TBCE: variants seen among roughly 807,000 people sequenced by gnomAD.
The protein encoded by TBCE is tubulin folding cofactor E, also known as tubulin-specific chaperone E.
TBCE carries 53 observed loss-of-function variants against 77.0 expected under a neutral mutation model. That is an observed-to-expected ratio of 0.69 (90% confidence interval 0.55 to 0.87). The LOEUF is 0.87. TBCE is among the 40% of genes least tolerant of loss of function. The pLI, the probability that TBCE is intolerant of heterozygous loss-of-function variation, is 0.00. For synonymous variants in TBCE, 235 were observed against 241.3 expected, an observed-to-expected ratio of 0.97 and a Z score of 0.24; for missense variants, 624 against 622.4, an observed-to-expected ratio of 1.00 and a Z score of -0.03.
At chr1:235,443,540 G>C (rs761057073) in intron 15 of TBCE, among the ~76,000 whole-genome samples, 1 of 152,164 alleles carries the variant, frequency 6.6e-6, no homozygotes, top group Non-Finnish European at 1.5e-5. Flanking sequence ...CTGAGACCTT[G>C]AATGGCATAG....
chr1:235,381,622 T>C (rs887733403), intron 2 of TBCE, among the ~76,000 whole-genome samples: 1 of 132,818 alleles, frequency 7.5e-6, no homozygotes, highest in Non-Finnish European at 1.5e-5. Context: ...GAGGTGGAGG[T>C]TGCAGTGAGC....
At chr1:235,436,679 C>G (rs1681470380) in intron 11 of TBCE, 71 bp downstream of exon 11, 1 of 1,424,152 alleles carries the variant, frequency 7.0e-7, no homozygotes, top group Non-Finnish European at 9.9e-7. Flanking sequence ...TTTGGAGGTT[C>G]CTTCTACCAA....
At chr1:235,429,518 C>T (rs1279195856) in intron 6 of TBCE, 1 of 152,102 alleles carries the variant, frequency 6.6e-6, no homozygotes, top group African/African-American at 2.4e-5. Flanking sequence ...ATTATTAAAA[C>T]TGCTTGTTTA....
At chr1:235,434,072 T>C (rs189213725) in intron 7 of TBCE, 132 bp from the exon 8 acceptor site, 1 of 822,122 alleles carries the variant, frequency 1.2e-6, no homozygotes, top group East Asian at 2.4e-5. Context: ...TGAAACAGTC[T>C]TATGAACTGT....
At chr1:235,425,094 C>A (rs11579933) in intron 5 of TBCE, among the ~76,000 whole-genome samples, 19,650 of 152,064 alleles carry the variant, frequency 0.13, 1,615 homozygotes, top group African/African-American at 0.23. Flanking sequence ...GGCACTCCTC[C>A]ACGGCCTGCC....
chr1:235,446,836 C>T (rs576031347), intron 15 of TBCE, among the ~76,000 whole-genome samples: 2 of 151,914 alleles, frequency 1.3e-5, no homozygotes, highest in South Asian at 2.1e-4. Flanking sequence ...AGGCGTACAT[C>T]GCTATGCTTG....
intron 3 of TBCE, among the ~76,000 whole-genome samples, chr1:235,409,406 T>A (rs189683266): frequency 6.6e-6 from 1 of 152,188 alleles, no homozygotes; most frequent in Non-Finnish European, 1.5e-5. Flanking sequence ...TAATGTAGAA[T>A]CTCAGTGGAG....
chr1:235,409,946 C>T (rs1174720180), intron 3 of TBCE, among the ~76,000 whole-genome samples: 3 of 147,292 alleles, frequency 2.0e-5, no homozygotes, highest in East Asian at 4.0e-4. Context: ...AGGAGAATGG[C>T]GTGAACCCGG....
chr1:235,392,728 A>G (rs1035118910), intron 2 of TBCE, among the ~76,000 whole-genome samples: 2 of 152,044 alleles, frequency 1.3e-5, no homozygotes, highest in African/African-American at 4.8e-5. Context: ...GTTTTAAATC[A>G]GTAAATCCAG....
At chr1:235,375,851 T>G (rs1361843998) in intron 1 of TBCE, among the ~76,000 whole-genome samples, 1 of 151,992 alleles carries the variant, frequency 6.6e-6, no homozygotes, top group Non-Finnish European at 1.5e-5. Context: ...GAGACCAGCC[T>G]GACCAATAAG....
chr1:235,403,000 G>A (rs1055606104), intron 3 of TBCE, among the ~76,000 whole-genome samples: 3 of 152,024 alleles, frequency 2.0e-5, no homozygotes, highest in African/African-American at 4.8e-5. Context: ...GTCAGAATTA[G>A]GTAACCACAC....
chr1:235,448,502 ACTGTCTCTAGATAGC>A, intron 16 of TBCE, 62 bp downstream of exon 16: 1 of 1,523,468 alleles, frequency 6.6e-7, no homozygotes, highest in Non-Finnish European at 9.1e-7. Flanking sequence ...ATGACATTAA[ACTGTCTCTAGATAGC>A]AACAGTTTGA....
intron 6 of TBCE, chr1:235,429,052 G>A (rs916887767): frequency 2.0e-5 from 3 of 146,724 alleles, no homozygotes; most frequent in Non-Finnish European, 4.4e-5. Flanking sequence ...GCAATGGCGC[G>A]ATCTCGGCTC....
At chr1:235,439,460 T>C (rs1046955217) in intron 13 of TBCE, among the ~76,000 whole-genome samples, 12 of 151,414 alleles carry the variant, frequency 7.9e-5, no homozygotes, top group African/African-American at 2.7e-4. Flanking sequence ...CACACCACTG[T>C]ACTCCAGCCT....
intron 14 of TBCE, 61 bp from the exon 15 acceptor site, chr1:235,442,791 G>A (rs892456260): frequency 6.6e-7 from 1 of 1,525,200 alleles, no homozygotes; most frequent in African/African-American, 1.4e-5. Flanking sequence ...GATGTGTGTG[G>A]ATAATTTAAA....
chr1:235,424,420 G>C (rs535002053), intron 5 of TBCE, among the ~76,000 whole-genome samples: 1 of 66,168 alleles, frequency 1.5e-5, no homozygotes. Context: ...CTGGCACCCA[G>C]GTTCAAGGAT....
chr1:235,370,484 C>T (rs529969037), intron 1 of TBCE, among the ~76,000 whole-genome samples: 1 of 150,894 alleles, frequency 6.6e-6, no homozygotes, highest in African/African-American at 2.4e-5. Flanking sequence ...AACTGCTGAC[C>T]TTGTGATTCA....
chr1:235,437,388 C>G lies in TBCE; in HGVS notation c.1030C>G (p.Leu344Val). The G allele has an allele frequency of 6.2e-7, 1 of 1,614,156 alleles. No individual in the cohort carries two copies. The highest frequency in any genetic ancestry group is 1.3e-5 in the African/African-American group (1 of 75,034). The change falls in exon 12 of 17, where the codon CTG becomes GTG. Residue 344 changes from leucine to valine, a missense_variant. Coordinates refer to ENST00000642610, the MANE Select transcript of TBCE (RefSeq NM_003193.5). Reference sequence around the variant, plus strand: ...GGCTTTGTCCTGCCTAAGAAACCCCCTGACCAAAGAGGACAAAGAAGCAGA... The same window carrying G: ...GGCTTTGTCCTGCCTAAGAAACCCCGTGACCAAAGAGGACAAAGAAGCAGA... Reference protein sequence around the residue: ...LRALSCLRNPLTKEDKEAETA... With the variant: ...LRALSCLRNPVTKEDKEAETA...
chr1:235,441,736 C>A, intron 13 of TBCE, 78 bp from the exon 14 acceptor site: 1 of 1,363,714 alleles, frequency 7.3e-7, no homozygotes, highest in Non-Finnish European at 1.0e-6. Flanking sequence ...CTTACCTATC[C>A]TTTGTTTGTT....
Sources: allele counts gnomAD v4.1 joint callset (sites outside exome capture counted in the v4.1 genomes callset), GRCh38; gene constraint gnomAD v4.1.1; transcripts MANE v1.5; gene names NCBI Gene and HGNC (gene_info 2026-07-23, HGNC 2026-07-21).